SLC16A10: variants seen among roughly 807,000 people sequenced by gnomAD.
SLC16A10 encodes solute carrier family 16 member 10.
A neutral mutation model predicts 40.0 loss-of-function variants in SLC16A10; 27 were observed. The observed-to-expected ratio is 0.67, with a 90% CI of 0.50 to 0.93. The LOEUF (loss-of-function observed/expected upper bound fraction) is 0.93, where lower values mean the gene tolerates loss of function less well. SLC16A10 is among the 40% of genes least tolerant of loss of function. SLC16A10 has a pLI of 0.00. For missense variants in SLC16A10, 529 were observed against 658.2 expected (o/e 0.80, Z 2.15); for synonymous variants, 213 against 249.8 (o/e 0.85, Z 1.39).
chr6:111,173,911 T>C (rs1772632078), intron 2 of SLC16A10, among the ~76,000 whole-genome samples: 1 of 152,142 alleles, frequency 6.6e-6, no homozygotes, highest in South Asian at 2.1e-4. Flanking sequence ...GCACCATCCA[T>C]GGAAAAATTC....
At chr6:111,160,644 C>T (rs935524169) in intron 1 of SLC16A10, among the ~76,000 whole-genome samples, 1 of 152,224 alleles carries the variant, frequency 6.6e-6, no homozygotes. Flanking sequence ...TCTTGTCATG[C>T]ATCTAAAAAG....
intron 4 of SLC16A10, among the ~76,000 whole-genome samples, chr6:111,216,950 C>T (rs1458249426): frequency 6.6e-6 from 1 of 152,198 alleles, no homozygotes; most frequent in East Asian, 1.9e-4. Context: ...CCTTCAGAGG[C>T]CCTCAGATTG....
At chr6:111,097,922 T>G (rs1029454444) in intron 1 of SLC16A10, among the ~76,000 whole-genome samples, 1 of 152,194 alleles carries the variant, frequency 6.6e-6, no homozygotes, top group Non-Finnish European at 1.5e-5. Context: ...AAAGGTGCAT[T>G]GGTCTACAGT....
intron 1 of SLC16A10, among the ~76,000 whole-genome samples, chr6:111,129,788 G>A (rs978083852): frequency 3.3e-5 from 5 of 152,188 alleles, no homozygotes; most frequent in Admixed American, 6.5e-5. Flanking sequence ...AAAGGCCACA[G>A]GACAAAGTAG....
intron 1 of SLC16A10, among the ~76,000 whole-genome samples, chr6:111,101,017 T>TAA (rs1407604572): frequency 1.7e-3 from 199 of 114,100 alleles, no homozygotes; most frequent in Non-Finnish European, 2.6e-3. Flanking sequence ...TATATATATA[T>TAA]AAATATATGT....
chr6:111,172,811 G>A lies in SLC16A10; in HGVS notation c.460G>A (p.Val154Ile). The change falls in exon 2 of 6, where the codon GTT (valine) becomes ATT (isoleucine). Residue 154 changes from valine (V) to isoleucine (I), a missense_variant. By Grantham distance (29) the Val-to-Ile change is conservative. Transcript: ENST00000368851. Reference sequence around the variant, plus strand: ...TGTCGTGGGTGCTGCTGTTGGATTTGTTGGGCTCATGTCCAGTTCTTTTGT... The same window carrying A: ...TGTCGTGGGTGCTGCTGTTGGATTTATTGGGCTCATGTCCAGTTCTTTTGT... ...TAVVGAAVGF[V>I]GLMSSSFVSS... is the part of the protein sequence containing the mutation. The A allele has an allele frequency of 6.2e-7, 1 of 1,614,054 alleles. No individual in the cohort carries two copies. The highest frequency in any genetic ancestry group is 8.5e-7 in the Non-Finnish European group (1 of 1,179,964).
intron 3 of SLC16A10, among the ~76,000 whole-genome samples, chr6:111,193,850 G>C (rs997953781): frequency 1.3e-5 from 2 of 152,116 alleles, no homozygotes; most frequent in East Asian, 3.8e-4. Context: ...GTGTATTTTT[G>C]TTAGGCCCTT....
At position 111,222,115 on chromosome 6, in the gene SLC16A10, G is replaced by T. The variant is rs771344204; in HGVS notation, c.1428G>T (p.Lys476Asn). ...TTATCCCGTGGATCCATAGTAAGAA[G>T]CAAAGAGAGATCAGTAAAACCACTG... ...LCFIPWIHSK[K>N]QREISKTTGK... Residue 476 changes from lysine to asparagine, a missense_variant, in exon 6 of 6, where the codon AAG (lysine) becomes AAT (asparagine). Physicochemically the swap from Lys to Asn is moderately conservative, Grantham distance 94 (BLOSUM62 0). Transcript: ENST00000368851. The T allele has an allele frequency of 6.2e-7, 1 of 1,608,882 alleles. No individual in the cohort carries two copies.
Position 111,229,029 on chromosome 6 carries a change from CA to C in SLC16A10, c.*6814del, listed in dbSNP as rs4038339. ...GGGCAACAAGAGCAAAACTCTGTCTCAAAAAAAAAAAAAAAAAAAATAGTGC... is the reference window on the plus strand; with the variant it reads ...GGGCAACAAGAGCAAAACTCTGTCTCAAAAAAAAAAAAAAAAAAATAGTGC... On this transcript the variant is annotated 3_prime_UTR_variant, in exon 6 of 6. Coordinates refer to ENST00000368851, the MANE Select transcript of SLC16A10 (RefSeq NM_018593.5). The C allele has an allele frequency of 2.7e-3, 304 of 111,922 alleles. No homozygotes were observed. Among genetic ancestry groups the C allele is most frequent in the African/African-American group, 9.2e-3 (262 of 28,590 alleles). 6.9% of individuals were successfully genotyped at this position (111,922 alleles called of 1,614,324 possible).
chr6:111,156,521 A>T (rs376336451), intron 1 of SLC16A10, among the ~76,000 whole-genome samples: 1 of 152,242 alleles, frequency 6.6e-6, no homozygotes, highest in African/African-American at 2.4e-5. Context: ...TAGACTAATC[A>T]TGGGAAGAAC....
intron 1 of SLC16A10, among the ~76,000 whole-genome samples, chr6:111,158,576 C>T (rs749048950): frequency 4.2e-4 from 64 of 152,196 alleles, no homozygotes; most frequent in Non-Finnish European, 8.1e-4. Flanking sequence ...TGCTCGCTCA[C>T]CTACCACTCA....
At chr6:111,177,800 G>T in intron 3 of SLC16A10, 135 bp downstream of exon 3, 1 of 711,202 alleles carries the variant, frequency 1.4e-6, no homozygotes. Context: ...TGAAATGAAA[G>T]GTCTCTCAAG....
intron 1 of SLC16A10, among the ~76,000 whole-genome samples, chr6:111,090,794 C>CA (rs1248145883): frequency 6.6e-6 from 1 of 152,104 alleles, no homozygotes; most frequent in Admixed American, 6.5e-5. Context: ...AAATACATGC[C>CA]AAAAAATATC....
intron 1 of SLC16A10, among the ~76,000 whole-genome samples, chr6:111,121,320 G>T (rs182335099): frequency 3.3e-5 from 5 of 152,204 alleles, no homozygotes; most frequent in African/African-American, 1.2e-4. Context: ...CCGGCACTTT[G>T]GGGGGCTGAG....
At chr6:111,118,142 A>G (rs1363032904) in intron 1 of SLC16A10, among the ~76,000 whole-genome samples, 2 of 152,250 alleles carry the variant, frequency 1.3e-5, no homozygotes, top group African/African-American at 4.8e-5. Flanking sequence ...AAGAAATGTA[A>G]ATAACAAATA....
intron 1 of SLC16A10, among the ~76,000 whole-genome samples, chr6:111,148,655 A>C (rs1772120109): frequency 6.6e-6 from 1 of 152,210 alleles, no homozygotes; most frequent in Admixed American, 6.5e-5. Flanking sequence ...GTAGTTCTTT[A>C]CAGAAGTTGG....
chr6:111,131,803 C>T (rs1356289147), intron 1 of SLC16A10, among the ~76,000 whole-genome samples: 1 of 152,218 alleles, frequency 6.6e-6, no homozygotes, highest in African/African-American at 2.4e-5. Flanking sequence ...TGGTTGAGAT[C>T]ATGGCGCAGC....
At chr6:111,165,122 A>C (rs1772448540) in intron 1 of SLC16A10, among the ~76,000 whole-genome samples, 1 of 152,226 alleles carries the variant, frequency 6.6e-6, no homozygotes, top group Admixed American at 6.5e-5. Flanking sequence ...TACTGACCTC[A>C]GGATGGAGCC....
intron 3 of SLC16A10, among the ~76,000 whole-genome samples, chr6:111,185,540 C>G (rs1366639610): frequency 1.3e-5 from 2 of 152,148 alleles, no homozygotes; most frequent in African/African-American, 2.4e-5. Context: ...CCCAACTTCT[C>G]TTTTGATCTC....
Sources: allele counts gnomAD v4.1 joint callset (sites outside exome capture counted in the v4.1 genomes callset), GRCh38; gene constraint gnomAD v4.1.1; transcripts MANE v1.5; gene names NCBI Gene and HGNC (gene_info 2026-07-23, HGNC 2026-07-21).